Variants in FAM228B observed in about 807,000 individuals in gnomAD.
FAM228B encodes the protein protein FAM228B.
A neutral mutation model predicts 42.6 loss-of-function variants in FAM228B; 38 were observed. The ratio of observed to expected loss-of-function variants is 0.89; its 90% confidence interval spans 0.69 to 1.17. The LOEUF is 1.17. Ranked by LOEUF, FAM228B falls within the 50% of genes most tolerant of loss-of-function variation. FAM228B has a pLI of 0.00. For synonymous variants in FAM228B, 109 were observed against 122.3 expected (o/e 0.89, Z 0.72); for missense variants, 344 against 367.3 (o/e 0.94, Z 0.52).
At chr2:24,161,466 A>G in intron 7 of FAM228B, 40 bp from the exon 8 acceptor site, 1 of 1,215,274 alleles carries the variant, frequency 8.2e-7, no homozygotes, top group Non-Finnish European at 1.2e-6. Context: ...ACAATAAAAA[A>G]GAACAAAAAA....
chr2:24,101,015 A>T (rs10201331), intron 3 of FAM228B, among the ~76,000 whole-genome samples: 18,099 of 152,228 alleles, frequency 0.12, 1,255 homozygotes, highest in South Asian at 0.18. Context: ...TCACAAGGAC[A>T]GAAAACCAAA....
In FAM228B at chr2:24,161,553, C is replaced by G. The variant is rs1667286135; in HGVS notation, c.734C>G (p.Pro245Arg). The G allele has an allele frequency of 5.8e-6, 9 of 1,548,600 alleles. No individual in the cohort carries two copies. Among genetic ancestry groups the G allele is most frequent in the Non-Finnish European group, 7.9e-6 (9 of 1,144,172 alleles). Residue 245 changes from proline (P) to arginine (R), a missense_variant, in exon 8 of 11, where the codon CCT (proline) becomes CGT (arginine). Physicochemically the swap from Pro to Arg is moderately radical, Grantham distance 103 (BLOSUM62 -2). Transcript: ENST00000615575. Reference protein sequence around the residue: ...NFNDCSFDLKPLARAPYLLES... With the variant: ...NFNDCSFDLKRLARAPYLLES... Reference sequence around the variant, plus strand: ...AATGACTGTAGTTTTGATTTGAAACCTTTGGCAAGAGCTCCTTATCTTTTG... The same window carrying G: ...AATGACTGTAGTTTTGATTTGAAACGTTTGGCAAGAGCTCCTTATCTTTTG...
chr2:24,150,934 G>A (rs1225841551), intron 7 of FAM228B, among the ~76,000 whole-genome samples: 1 of 152,074 alleles, frequency 6.6e-6, no homozygotes, highest in Non-Finnish European at 1.5e-5. Context: ...TCTGCTTGAT[G>A]TTCTATTACT....
chr2:24,126,124 T>C (rs113268380), intron 2 of FAM228B, among the ~76,000 whole-genome samples: 2 of 152,240 alleles, frequency 1.3e-5, no homozygotes, highest in South Asian at 2.1e-4. Context: ...AAAGCTGTTA[T>C]GAACATTCAT....
chr2:24,094,751 G>A (rs1022804040), intron 2 of FAM228B, among the ~76,000 whole-genome samples: 1 of 152,138 alleles, frequency 6.6e-6, no homozygotes, highest in Non-Finnish European at 1.5e-5. Flanking sequence ...TCTAAGTGCT[G>A]AGTTTACAGG....
At chr2:24,124,885 C>G (rs1418199469) in intron 2 of FAM228B, among the ~76,000 whole-genome samples, 1 of 152,068 alleles carries the variant, frequency 6.6e-6, no homozygotes, top group East Asian at 1.9e-4. Context: ...TGTAGAGATA[C>G]AAAAAATCTC....
rs12328615 is a variant in FAM228B at position 24,131,359 on chromosome 2, A to G, written c.100-3760A>G. On this transcript the variant is annotated intron_variant, in intron 2 of 10. Coordinates refer to ENST00000615575, the MANE Select transcript of FAM228B (RefSeq NM_001145710.2). The stretch of plus-strand genomic sequence containing the variant: ...ATTTGAAGTAGTTTTCTCTAATTCT[A>G]TGAAGAATGTCAATGGTAGATTGGT... Among the ~76,000 whole-genome samples, 367 of 152,254 alleles carry G rather than the reference A, an allele frequency of 2.4e-3. 2 individuals carry two copies. The highest frequency in any genetic ancestry group is 8.5e-3 in the African/African-American group (353 of 41,564).
At chr2:24,136,387 C>T (rs1666588835) in intron 3 of FAM228B, among the ~76,000 whole-genome samples, 1 of 152,184 alleles carries the variant, frequency 6.6e-6, no homozygotes, top group Non-Finnish European at 1.5e-5. Context: ...GCATGCCCGG[C>T]TAACTTTTGT....
intron 3 of FAM228B, among the ~76,000 whole-genome samples, chr2:24,109,150 GA>G (rs1466377716): frequency 1.2e-5 from 1 of 81,084 alleles, no homozygotes; most frequent in East Asian, 3.1e-4. Flanking sequence ...CAACAAAGTT[GA>G]CAAAAAAAAA....
chr2:24,077,565 TG>T lies in FAM228B; in HGVS notation c.-290+597del, dbSNP rs772381746. On this transcript the variant is annotated intron_variant, in intron 1 of 10. Coordinates refer to the FAM228B transcript ENST00000613899. The surrounding 1 kb of genome is among the most constrained non-coding windows in gnomAD (Gnocchi z 5.5). ...GGCCTGGGGTGGCCGCGTCCTGTCC[TG>T]CCCCATCCTCCTTCACTGGGGCAGT... The T allele has an allele frequency of 5.6e-5, 87 of 1,560,116 alleles. No homozygotes were observed. The highest frequency in any genetic ancestry group is 7.2e-5 in the Non-Finnish European group (82 of 1,145,576).
intron 3 of FAM228B, among the ~76,000 whole-genome samples, chr2:24,104,093 G>A (rs183146598): frequency 6.6e-6 from 1 of 152,294 alleles, no homozygotes; most frequent in East Asian, 1.9e-4. Context: ...GGCAGTAGAG[G>A]AACACAGAGT....
chr2:24,158,609 T>G (rs1042177370), intron 7 of FAM228B, among the ~76,000 whole-genome samples: 6 of 152,124 alleles, frequency 3.9e-5, no homozygotes, highest in Non-Finnish European at 8.8e-5. Context: ...AGGATAGGAC[T>G]GGAGGTTGGA....
chr2:24,164,168 A>C, intron 8 of FAM228B, 30 bp from the exon 9 acceptor site: 1 of 1,529,214 alleles, frequency 6.5e-7, no homozygotes, highest in Non-Finnish European at 8.8e-7. Context: ...GAGTTAAGAG[A>C]ATCCCTTCCT....
intron 3 of FAM228B, among the ~76,000 whole-genome samples, chr2:24,103,200 G>A (rs1349571093): frequency 6.6e-6 from 1 of 152,168 alleles, no homozygotes; most frequent in Admixed American, 6.5e-5. Context: ...AGGCTCAAAG[G>A]CTCAAAGGGC....
At chr2:24,090,112 AC>A (rs1665355484) in intron 2 of FAM228B, among the ~76,000 whole-genome samples, 1 of 151,772 alleles carries the variant, frequency 6.6e-6, no homozygotes, top group Non-Finnish European at 1.5e-5. Flanking sequence ...TACTAAAAAT[AC>A]AAAAAATTAG....
chr2:24,101,256 G>A (rs2150996009), intron 3 of FAM228B, among the ~76,000 whole-genome samples: 1 of 152,142 alleles, frequency 6.6e-6, no homozygotes, highest in East Asian at 1.9e-4. Flanking sequence ...AGAACTTAAA[G>A]TATAATAATA....
At chr2:24,092,628 T>A (rs567778751) in intron 2 of FAM228B, among the ~76,000 whole-genome samples, 1 of 152,224 alleles carries the variant, frequency 6.6e-6, no homozygotes, top group East Asian at 1.9e-4. Context: ...AATGACAGTA[T>A]GAAACTTACT....
At chr2:24,113,091 A>G (rs2151000431) in intron 3 of FAM228B, among the ~76,000 whole-genome samples, 1 of 152,042 alleles carries the variant, frequency 6.6e-6, no homozygotes, top group South Asian at 2.1e-4. Flanking sequence ...TTCCCCACTA[A>G]ATTGTGAGCC....
intron 1 of FAM228B, among the ~76,000 whole-genome samples, 174 bp downstream of exon 1, chr2:24,123,707 C>T (rs1313291811): frequency 6.6e-6 from 1 of 151,472 alleles, no homozygotes; most frequent in Non-Finnish European, 1.5e-5. Context: ...CCCCGCCAGG[C>T]CGGGCGGTCC....
Sources: allele counts gnomAD v4.1 joint callset (sites outside exome capture counted in the v4.1 genomes callset), GRCh38; gene constraint gnomAD v4.1.1; non-coding constraint Gnocchi (gnomAD v3.1); transcripts MANE v1.5; gene names NCBI Gene and HGNC (gene_info 2026-07-23, HGNC 2026-07-21).